PAX2: variants seen among roughly 807,000 people sequenced by gnomAD.
The protein encoded by PAX2 is paired box 2.
A neutral mutation model predicts 41.7 loss-of-function variants in PAX2; 9 were observed. That is an observed-to-expected ratio of 0.22 (90% CI 0.13 to 0.38). The LOEUF (loss-of-function observed/expected upper bound fraction) is 0.38, where lower values mean the gene tolerates loss of function less well. PAX2 is among the 10% of genes least tolerant of loss of function. PAX2 has a pLI of 1.00. For missense variants in PAX2, 418 were observed against 531.6 expected (o/e 0.79, Z 2.10); for synonymous variants, 221 against 212.7 (o/e 1.04, Z -0.34).
chr10:100,803,685 C>T lies in PAX2; in HGVS notation c.617-2745C>T, dbSNP rs975129544. ...GCCTCTCTGGGGGGTGGGGGTTCTC[C>T]GCATGCTTTCATCACACCACTTTGT... On this transcript the variant is annotated intron_variant, in intron 5 of 9. Transcript: ENST00000355243. Among the ~76,000 whole-genome samples, 15 of 152,032 alleles carry T rather than the reference C, an allele frequency of 9.9e-5. No individual in the cohort carries two copies. The East Asian group carries it at 1.7e-3, about 18-fold the overall frequency.
At chr10:100,796,019 C>T (rs924582782) in intron 5 of PAX2, among the ~76,000 whole-genome samples, 2 of 152,182 alleles carry the variant, frequency 1.3e-5, no homozygotes, top group Non-Finnish European at 2.9e-5. Flanking sequence ...TTGTTCTGAG[C>T]TTTTGTCTTC....
chr10:100,753,984 C>T (rs928853446), intron 3 of PAX2, among the ~76,000 whole-genome samples: 4 of 152,190 alleles, frequency 2.6e-5, no homozygotes, highest in African/African-American at 9.7e-5. Context: ...TTATCTGAAT[C>T]TTTCTAAACA....
intron 7 of PAX2, among the ~76,000 whole-genome samples, chr10:100,822,459 A>G (rs1848405567): frequency 6.6e-6 from 1 of 152,228 alleles, no homozygotes; most frequent in Non-Finnish European, 1.5e-5. Flanking sequence ...CAATAGATTG[A>G]TGGACGATTA....
At chr10:100,783,545 G>C (rs147428272) in intron 5 of PAX2, among the ~76,000 whole-genome samples, 11 of 152,184 alleles carry the variant, frequency 7.2e-5, no homozygotes, top group African/African-American at 2.4e-4. Flanking sequence ...GCCACTGCAG[G>C]GCAGCTTTAG....
chr10:100,815,159 A>G (rs1848145077), intron 7 of PAX2, among the ~76,000 whole-genome samples: 1 of 152,108 alleles, frequency 6.6e-6, no homozygotes, highest in Admixed American at 6.6e-5. Flanking sequence ...TGTAGTTAAC[A>G]ACCCCCTTCC....
chr10:100,740,428 G>A (rs1844912481), intron 1 of PAX2, among the ~76,000 whole-genome samples: 1 of 152,176 alleles, frequency 6.6e-6, no homozygotes. Flanking sequence ...CCAATAGAAG[G>A]GGAAACAAAA....
At chr10:100,749,415 T>G in intron 1 of PAX2, 1 of 1,155,452 alleles carries the variant, frequency 8.7e-7, no homozygotes, top group Non-Finnish European at 1.1e-6. Flanking sequence ...CTTACGCCCT[T>G]TCCGCTGGCA....
At chr10:100,772,100 C>G (rs77136923) in intron 3 of PAX2, among the ~76,000 whole-genome samples, 1 of 151,752 alleles carries the variant, frequency 6.6e-6, no homozygotes, top group Non-Finnish European at 1.5e-5. Context: ...CCACTGTGCC[C>G]GGCCACAAAT....
chr10:100,824,839 TG>T lies in PAX2; in HGVS notation c.1021+96del, dbSNP rs938425166. ...AATGGTCTGTAGTCTGAGGCTGGGG[TG>T]GGGGGAGACACAACGTCCCCTCCCT... On this transcript the variant is annotated intron_variant, in intron 8 of 9. Coordinates refer to ENST00000355243, the MANE Select transcript of PAX2 (RefSeq NM_000278.5). This position sits in a 1 kb window ranked among gnomAD's most constrained non-coding sequence, Gnocchi z 6.6. 5.3e-6 allele frequency: 8 copies of T among 1,512,438 alleles called. No homozygotes were observed. The highest frequency in any genetic ancestry group is 6.4e-6 in the Non-Finnish European group (7 of 1,087,696). The allele number at this position is 1,512,438 out of a possible 1,614,324, so 93.7% of individuals were successfully genotyped here. A position where few individuals can be genotyped will look rare whatever the true frequency, so the allele number is the denominator to read the frequency against.
chr10:100,827,892 G>T lies in PAX2; in HGVS notation c.*273G>T. 1 of 488,096 alleles carries T rather than the reference G, an allele frequency of 2.0e-6. No individual in the cohort carries two copies. The highest frequency in any genetic ancestry group is 3.6e-6 in the Non-Finnish European group (1 of 276,494). 30.2% of individuals were successfully genotyped at this position (488,096 alleles called of 1,614,324 possible). On this transcript the variant is annotated 3_prime_UTR_variant, in exon 10 of 10. Coordinates refer to ENST00000355243, the MANE Select transcript of PAX2 (RefSeq NM_000278.5). This position sits in a 1 kb window ranked among gnomAD's most constrained non-coding sequence, Gnocchi z 8.5. Reference sequence around the variant, plus strand: ...CCCTCCCCGCCTGCCTGGACTGCGCGGCGCCGTGAGGGGGATTCGGCCCAG... The same window carrying T: ...CCCTCCCCGCCTGCCTGGACTGCGCTGCGCCGTGAGGGGGATTCGGCCCAG...
Position 100,745,753 on chromosome 10 carries a change from C to G in PAX2, c.-508C>G, listed in dbSNP as rs1476290205. The G allele has an allele frequency of 2.9e-6, 3 of 1,043,874 alleles. No homozygotes were observed. The highest frequency in any genetic ancestry group is 2.3e-6 in the Non-Finnish European group (2 of 865,932). The allele number at this position is 1,043,874 out of a possible 1,614,324, so 64.7% of individuals were successfully genotyped here. Reference sequence around the variant, plus strand: ...CGCTCCCCTCCCGCAGGCGCCACCTCGGACATCCCCGGGATTGCTACTTCT... The same window carrying G: ...CGCTCCCCTCCCGCAGGCGCCACCTGGGACATCCCCGGGATTGCTACTTCT... On this transcript the variant is annotated 5_prime_UTR_variant, in exon 1 of 10. Transcript: ENST00000355243.
Position 100,826,412 on chromosome 10 carries a change from G to A in PAX2, c.1022-597G>A, listed in dbSNP as rs1032845963. 6.6e-6 allele frequency among the ~76,000 whole-genome samples: 1 copy of A among 152,194 alleles called. No individual in the cohort carries two copies. The highest frequency in any genetic ancestry group is 1.5e-5 in the Non-Finnish European group (1 of 68,030). ...CACGGGCCCTCCGCTCACCGCTAGC[G>A]GACCAGCGGGCAGTCCACCTGCGCC... On this transcript the variant is annotated intron_variant, in intron 8 of 9. Coordinates refer to ENST00000355243, the MANE Select transcript of PAX2 (RefSeq NM_000278.5). The surrounding 1 kb of genome is among the most constrained non-coding windows in gnomAD (Gnocchi z 5.5).
chr10:100,820,342 T>C lies in PAX2; in HGVS notation c.920-4306T>C, dbSNP rs557730425. ...TAGCTGTGTAGTCATGGGAAAACTGTGATGCATCTTTGTGCCTTCATTGTC... is the reference window on the plus strand; with the variant it reads ...TAGCTGTGTAGTCATGGGAAAACTGCGATGCATCTTTGTGCCTTCATTGTC... On this transcript the variant is annotated intron_variant, in intron 7 of 9. Coordinates refer to ENST00000355243, the MANE Select transcript of PAX2 (RefSeq NM_000278.5). Among the ~76,000 whole-genome samples, 22 of 152,352 alleles carry C rather than the reference T, an allele frequency of 1.4e-4. No homozygotes were observed. The South Asian group carries it at 4.3e-3, about 30-fold the overall frequency.
chr10:100,817,177 G>A (rs1291061081), intron 7 of PAX2, among the ~76,000 whole-genome samples: 1 of 152,046 alleles, frequency 6.6e-6, no homozygotes, highest in Admixed American at 6.5e-5. Flanking sequence ...TGCTCATGGA[G>A]CCAGAGAAGG....
At chr10:100,747,466 A>T in intron 1 of PAX2, 1 of 237,442 alleles carries the variant, frequency 4.2e-6, no homozygotes, top group Non-Finnish European at 6.8e-6. Context: ...CTATTCTGAG[A>T]TTTTTTTTGC....
intron 3 of PAX2, among the ~76,000 whole-genome samples, chr10:100,764,770 C>T (rs986352957): frequency 6.6e-5 from 10 of 152,040 alleles, no homozygotes; most frequent in African/African-American, 2.4e-4. Flanking sequence ...TTGGCATTTT[C>T]TAGGCTTCAT....
At chr10:100,788,261 G>T (rs1349726638) in intron 5 of PAX2, among the ~76,000 whole-genome samples, 1 of 152,192 alleles carries the variant, frequency 6.6e-6, no homozygotes, top group Admixed American at 6.5e-5. Context: ...CTGGCCGCCC[G>T]CGATCGCCTC....
chr10:100,740,385 G>A (rs956263255), intron 1 of PAX2, among the ~76,000 whole-genome samples: 2 of 152,216 alleles, frequency 1.3e-5, no homozygotes, highest in African/African-American at 2.4e-5. Flanking sequence ...TAGACAGAGG[G>A]AAGAACGATA....
At chr10:100,746,327 G>C (rs1845171273) in intron 1 of PAX2, 24 bp downstream of exon 1, 2 of 1,519,458 alleles carry the variant, frequency 1.3e-6, no homozygotes, top group African/African-American at 1.4e-5. Flanking sequence ...CCCGGCTCCT[G>C]TCCCGGCTCG....
Sources: allele counts gnomAD v4.1 joint callset (sites outside exome capture counted in the v4.1 genomes callset), GRCh38; gene constraint gnomAD v4.1.1; non-coding constraint Gnocchi (gnomAD v3.1); transcripts MANE v1.5; gene names NCBI Gene and HGNC (gene_info 2026-07-23, HGNC 2026-07-21).